CHRNA7: variants seen among roughly 807,000 people sequenced by gnomAD.
The protein encoded by CHRNA7 is neuronal acetylcholine receptor subunit alpha-7.
In CHRNA7, 17 loss-of-function variants were observed where a neutral mutation model predicts 48.0. That is an observed-to-expected ratio of 0.35 (90% CI 0.24 to 0.53). CHRNA7 has a LOEUF of 0.53. Among genes scored for constraint, CHRNA7 ranks in the 20% least tolerant of loss-of-function variants. CHRNA7 has a pLI of 0.92. For missense variants in CHRNA7, 155 were observed against 577.7 expected, an observed-to-expected ratio of 0.27 and a Z score of 7.50; for synonymous variants, 75 against 242.3, an observed-to-expected ratio of 0.31 and a Z score of 6.41.
intron 3 of CHRNA7, among the ~76,000 whole-genome samples, chr15:32,108,314 C>T (rs181232477): frequency 2.1e-3 from 318 of 152,300 alleles, no homozygotes; most frequent in African/African-American, 7.3e-3. Context: ...GAAGGAATCT[C>T]ACAAAAGGAG....
chr15:32,057,521 A>G (rs1278719340), intron 2 of CHRNA7, among the ~76,000 whole-genome samples: 1 of 152,224 alleles, frequency 6.6e-6, no homozygotes, highest in African/African-American at 2.4e-5. Flanking sequence ...AGCCATAGCT[A>G]ATATATTCAC....
intron 2 of CHRNA7, among the ~76,000 whole-genome samples, chr15:32,088,511 G>A (rs555408949): frequency 6.6e-5 from 10 of 152,266 alleles, no homozygotes; most frequent in Admixed American, 2.0e-4. Flanking sequence ...CCGCCAAATC[G>A]TCTTCCAAAG....
At position 32,030,537 on chromosome 15, in the gene CHRNA7, G is replaced by T; in HGVS notation, c.-58G>T. ...GGTGCCTCTGTGGCCGCAGGCGCAG[G>T]CCCGGGCGACAGCCGAGACGTGGAG... On this transcript the variant is annotated 5_prime_UTR_variant, in exon 1 of 10. Transcript: ENST00000306901. 1.4e-6 allele frequency: 2 copies of T among 1,402,210 alleles called. No individual in the cohort carries two copies. The highest frequency in any genetic ancestry group is 1.6e-5 in the South Asian group (1 of 64,284). The allele number at this position is 1,402,210 out of a possible 1,614,324, so 86.9% of individuals were successfully genotyped here. A position where few individuals can be genotyped will look rare whatever the true frequency, so the allele number is the denominator to read the frequency against.
intron 2 of CHRNA7, among the ~76,000 whole-genome samples, chr15:32,074,246 A>G (rs2050101866): frequency 6.6e-6 from 1 of 150,512 alleles, no homozygotes; most frequent in Admixed American, 6.6e-5. Flanking sequence ...TATGCAGACA[A>G]TTATGTCTTC....
chr15:32,122,887 CAA>C (rs61151556), intron 4 of CHRNA7, among the ~76,000 whole-genome samples: 25 of 107,854 alleles, frequency 2.3e-4, no homozygotes, highest in East Asian at 1.0e-3. Context: ...GCTCTCAAAG[CAA>C]AAAAAAAAAA....
chr15:32,123,071 C>A (rs2051001781), intron 4 of CHRNA7, among the ~76,000 whole-genome samples: 1 of 151,962 alleles, frequency 6.6e-6, no homozygotes, highest in South Asian at 2.1e-4. Flanking sequence ...AATTGTATTC[C>A]AGCAAAATGA....
At chr15:32,112,759 G>A (rs922340541) in intron 4 of CHRNA7, among the ~76,000 whole-genome samples, 2 of 152,188 alleles carry the variant, frequency 1.3e-5, no homozygotes, top group Non-Finnish European at 2.9e-5. Context: ...CGGTGATCCC[G>A]CTGGACAAGC....
At chr15:32,096,772 A>T (rs2050476288) in intron 2 of CHRNA7, among the ~76,000 whole-genome samples, 1 of 152,372 alleles carries the variant, frequency 6.6e-6, no homozygotes, top group Non-Finnish European at 1.5e-5. Flanking sequence ...GTTGTACTCT[A>T]AACCAGATAG....
rs577473434 is a variant in CHRNA7 at position 32,068,745 on chromosome 15, G to A, written c.196-32558G>A. On this transcript the variant is annotated intron_variant, in intron 2 of 9. Coordinates refer to ENST00000306901, the MANE Select transcript of CHRNA7 (RefSeq NM_000746.6). ...CTCGGGGAAAAAAAAAAAGAAAAAA[G>A]TGTTACTACAGACTAAAAAGAGCAT... is the stretch of plus-strand genomic sequence containing the variant. Among the ~76,000 whole-genome samples the A allele has an allele frequency of 8.0e-4, 121 of 151,852 alleles. 1 individual carries two copies. Among genetic ancestry groups the A allele is most frequent in the Middle Eastern group, 3.4e-3 (1 of 292 alleles).
At chr15:32,048,638 T>G (rs528322701) in intron 2 of CHRNA7, among the ~76,000 whole-genome samples, 99 of 152,012 alleles carry the variant, frequency 6.5e-4, no homozygotes, top group Non-Finnish European at 9.0e-4. Context: ...ATTCATTAAT[T>G]TTTTGAAGGG....
intron 2 of CHRNA7, among the ~76,000 whole-genome samples, chr15:32,075,702 C>T (rs950126211): frequency 1.3e-5 from 2 of 151,838 alleles, no homozygotes; most frequent in African/African-American, 4.8e-5. Context: ...TTGATTTCTG[C>T]TCTTACCTCT....
At chr15:32,132,224 A>G (rs902591754) in intron 4 of CHRNA7, among the ~76,000 whole-genome samples, 1 of 152,060 alleles carries the variant, frequency 6.6e-6, no homozygotes, top group Non-Finnish European at 1.5e-5. Flanking sequence ...ATTTGGCGAG[A>G]GAGGGCAAGC....
intron 2 of CHRNA7, among the ~76,000 whole-genome samples, chr15:32,064,841 C>T (rs1275597867): frequency 6.6e-6 from 1 of 152,242 alleles, no homozygotes; most frequent in Non-Finnish European, 1.5e-5. Context: ...CTCATATTTC[C>T]TCTTCTGAGA....
chr15:32,045,127 G>T (rs72713539), intron 2 of CHRNA7, among the ~76,000 whole-genome samples: 42,309 of 152,004 alleles, frequency 0.28, 7,452 homozygotes, highest in East Asian at 0.61. Context: ...AGCTTGTTCT[G>T]ATTTTCTTCA....
intron 2 of CHRNA7, chr15:32,099,785 G>T (rs563893655): frequency 3.9e-5 from 6 of 152,348 alleles, no homozygotes; most frequent in African/African-American, 1.4e-4. Context: ...GGATAGCTCT[G>T]TTGGGGATCA....
At chr15:32,102,025 C>T (rs566489891) in intron 3 of CHRNA7, 1 of 152,250 alleles carries the variant, frequency 6.6e-6, no homozygotes, top group South Asian at 2.1e-4. Flanking sequence ...AGATATTTAA[C>T]GTAGTCCCTT....
chr15:32,052,337 A>T (rs1419659939), intron 2 of CHRNA7, among the ~76,000 whole-genome samples: 2 of 152,144 alleles, frequency 1.3e-5, no homozygotes, highest in African/African-American at 4.8e-5. Context: ...TAATTTGTGG[A>T]AGCTAAGAAA....
chr15:32,111,065 G>A (rs990856768), intron 3 of CHRNA7: 1 of 152,240 alleles, frequency 6.6e-6, no homozygotes, highest in African/African-American at 2.4e-5. Context: ...GAGCTTGTGG[G>A]CTCCAGGAAG....
chr15:32,129,536 T>C (rs1021486858), intron 4 of CHRNA7, among the ~76,000 whole-genome samples: 1 of 151,964 alleles, frequency 6.6e-6, no homozygotes, highest in Non-Finnish European at 1.5e-5. Flanking sequence ...GCTAAATGTA[T>C]GTGTTAATTT....
Sources: allele counts gnomAD v4.1 joint callset (sites outside exome capture counted in the v4.1 genomes callset), GRCh38; gene constraint gnomAD v4.1.1; transcripts MANE v1.5; gene names NCBI Gene and HGNC (gene_info 2026-07-23, HGNC 2026-07-21).